The following BRCA1 variants were observed in gnomAD, a reference collection of about 807,000 sequenced individuals.
The protein encoded by BRCA1 is BRCA1 DNA repair associated.
In BRCA1, 140 loss-of-function variants were observed where a neutral mutation model predicts 173.7. The ratio of observed to expected loss-of-function variants is 0.81; its 90% confidence interval spans 0.70 to 0.93. The LOEUF (loss-of-function observed/expected upper bound fraction) is 0.93, where lower values mean the gene tolerates loss of function less well. BRCA1 is among the 40% of genes least tolerant of loss of function. The pLI, the probability that BRCA1 is intolerant of heterozygous loss-of-function variation, is 0.00. For synonymous variants in BRCA1, 662 were observed against 756.0 expected (o/e 0.88, Z 2.04); for missense variants, 1,983 against 2,172.5 (o/e 0.91, Z 1.73).
intron 15 of BRCA1, among the ~76,000 whole-genome samples, chr17:43,069,933 ATTC>A (rs538796028): frequency 5.6e-4 from 85 of 152,118 alleles, no homozygotes; most frequent in Non-Finnish European, 1.0e-3. Flanking sequence ...TATTCACGCA[ATTC>A]TTCTTCTTAT....
In BRCA1 at chr17:43,094,450, A is replaced by G. The variant is rs80356946; in HGVS notation, c.1081T>C (p.Ser361Pro). 5 of 1,613,940 alleles carry G rather than the reference A, an allele frequency of 3.1e-6. No homozygotes were observed. Among genetic ancestry groups the G allele is most frequent in the Non-Finnish European group, 4.2e-6 (5 of 1,180,034 alleles). Residue 361 changes from serine (S) to proline (P), a missense_variant, in exon 10 of 23, where the codon TCA (serine) becomes CCA (proline). By Grantham distance (74) the Ser-to-Pro change is moderately conservative (BLOSUM62 -1). Transcript: ENST00000357654. ...TCTTCAGTATCTCTAGGATTCTCTG[A>G]GCATGGCAGTTTCTGCTTATTCCAT... ...KEWNKQKLPC[S>P]ENPRDTEDVP...
intron 1 of BRCA1, among the ~76,000 whole-genome samples, chr17:43,149,823 C>T: frequency 6.6e-6 from 1 of 152,142 alleles, no homozygotes; most frequent in East Asian, 1.9e-4. Context: ...GAGTCTTGCT[C>T]TGTCGCACAG....
At chr17:43,067,446 G>A (rs1025654008) in intron 16 of BRCA1, 162 bp downstream of exon 16, 1 of 578,350 alleles carries the variant, frequency 1.7e-6, no homozygotes, top group Non-Finnish European at 3.1e-6. Context: ...AGTAGAGACG[G>A]GGTTTCACCA....
intron 12 of BRCA1, chr17:43,079,277 C>G (rs1567781381): frequency 1.5e-6 from 2 of 1,367,488 alleles, no homozygotes; most frequent in Non-Finnish European, 2.1e-6. Flanking sequence ...TGGCCAGAAC[C>G]ACCATCTTTC....
At chr17:43,085,632 T>C (rs544505961) in intron 11 of BRCA1, among the ~76,000 whole-genome samples, 2 of 152,212 alleles carry the variant, frequency 1.3e-5, no homozygotes, top group East Asian at 1.9e-4. Context: ...CTTTTTCCAC[T>C]TGGAAAAATT....
At chr17:43,125,958 G>A (rs1206399525), upstream of BRCA1, among the ~76,000 whole-genome samples, 1 of 151,780 alleles carries the variant, frequency 6.6e-6, no homozygotes, top group East Asian at 1.9e-4. Context: ...ACCTGTGCGC[G>A]CTTGTACTTG....
intron 1 of BRCA1, among the ~76,000 whole-genome samples, chr17:43,153,141 C>CT (rs1375180531): frequency 6.6e-6 from 1 of 152,212 alleles, no homozygotes; most frequent in Non-Finnish European, 1.5e-5. Flanking sequence ...GGACAGGTCA[C>CT]TCGACCTGTA....
rs886052972 is a variant in BRCA1 at position 43,045,213 on chromosome 17, C to T, written c.*465G>A. The T allele has an allele frequency of 1.9e-4, 101 of 537,634 alleles. No homozygotes were observed. In the East Asian group the frequency reaches 3.8e-3, roughly 20 times the overall value. The allele number at this position is 537,634 out of a possible 1,614,324, so 33.3% of individuals were successfully genotyped here. A position where few individuals can be genotyped will look rare whatever the true frequency, so the allele number is the denominator to read the frequency against. On this transcript the variant is annotated 3_prime_UTR_variant, in exon 23 of 23. Transcript: ENST00000357654. ...CTATTCTGACTTTAAGTCACATAAT[C>T]GATCCCAAGCACTCTCCTTCCATTG...
At chr17:43,062,897 T>TC (rs1170326529) in intron 18 of BRCA1, among the ~76,000 whole-genome samples, 7 of 152,004 alleles carry the variant, frequency 4.6e-5, no homozygotes, top group African/African-American at 1.7e-4. Context: ...GCACCCGATT[T>TC]TTTTTTTCTT....
At chr17:43,067,342 T>A in intron 16 of BRCA1, 1 of 326,640 alleles carries the variant, frequency 3.1e-6, no homozygotes, top group Non-Finnish European at 5.9e-6. Flanking sequence ...GCAACCTCCA[T>A]CTCCCCGGTT....
intron 1 of BRCA1, among the ~76,000 whole-genome samples, chr17:43,165,242 C>T (rs913356379): frequency 1.3e-4 from 19 of 151,984 alleles, no homozygotes; most frequent in Non-Finnish European, 1.8e-4. Flanking sequence ...AAGAAAAAAC[C>T]TGTTATGCTT....
chr17:43,067,534 A>C, intron 16 of BRCA1, 74 bp downstream of exon 16: 2 of 1,248,748 alleles, frequency 1.6e-6, no homozygotes, highest in South Asian at 2.4e-5. Context: ...GATTACAGGC[A>C]TGCGCCACCG....
intron 1 of BRCA1, among the ~76,000 whole-genome samples, chr17:43,155,127 G>A (rs2154581648): frequency 6.6e-6 from 1 of 152,010 alleles, no homozygotes; most frequent in Non-Finnish European, 1.5e-5. Flanking sequence ...ACTTTTGGTA[G>A]GAACCTGCCA....
upstream of BRCA1, among the ~76,000 whole-genome samples, chr17:43,130,159 A>G (rs1384202071): frequency 1.3e-5 from 2 of 152,158 alleles, no homozygotes; most frequent in Non-Finnish European, 2.9e-5. Context: ...TGACTGGTTT[A>G]TTATTTTTAA....
rs12936316 is a variant in BRCA1 at position 43,111,027 on chromosome 17, A to G, written c.135-4494T>C. Among the ~76,000 whole-genome samples, 47,338 of 150,014 alleles carry G rather than the reference A, an allele frequency of 0.32. 7,751 individuals carry two copies. Among genetic ancestry groups the G allele is most frequent in the South Asian group, 0.49 (2,348 of 4,758 alleles). The stretch of plus-strand genomic sequence containing the variant: ...GAGGCAGGAGAATCACTTGAACCAG[A>G]GAGGCAGAGGCTGCAGTGAGCCGAG... On this transcript the variant is annotated intron_variant, in intron 3 of 22. Coordinates refer to ENST00000357654, the MANE Select transcript of BRCA1 (RefSeq NM_007294.4).
chr17:43,097,128 A>G (rs1261381300), intron 8 of BRCA1, 116 bp downstream of exon 8: 1 of 1,071,032 alleles, frequency 9.3e-7, no homozygotes, highest in African/African-American at 1.6e-5. Flanking sequence ...CTGCACATAC[A>G]TCCCTGAACC....
In BRCA1 at chr17:43,090,998, G is replaced by T. The variant is rs80356871; in HGVS notation, c.4131C>A (p.Ser1377Arg). The T allele has an allele frequency of 1.2e-6, 2 of 1,612,854 alleles. No individual in the cohort carries two copies. The highest frequency in any genetic ancestry group is 2.2e-5 in the South Asian group (2 of 90,784). The change falls in exon 11 of 23, where the codon AGC becomes AGA. Residue 1377 changes from serine to arginine, a missense_variant. Ser to Arg is a moderately radical substitution (Grantham distance 110). Coordinates refer to ENST00000357654, the MANE Select transcript of BRCA1 (RefSeq NM_007294.4). ...EAASGCESET[S>R]VSEDCSGLSS... ...ATAGCCCTGAGCAGTCTTCAGAGAC[G>T]CTTGTTTCACTCTCACACCCAGATG...
intron 7 of BRCA1, among the ~76,000 whole-genome samples, 171 bp from the exon 8 acceptor site, chr17:43,097,460 G>A (rs2054190054): frequency 6.6e-6 from 1 of 152,166 alleles, no homozygotes; most frequent in African/African-American, 2.4e-5. Flanking sequence ...AGTGGTTAAA[G>A]GCATGGGCTT....
Position 43,118,338 on chromosome 17 carries a change from T to C in BRCA1, c.81-2559A>G, listed in dbSNP as rs9895855. 0.013 allele frequency among the ~76,000 whole-genome samples: 1,931 copies of C among 152,194 alleles called. 34 individuals are homozygous for C. Among genetic ancestry groups the C allele is most frequent in the African/African-American group, 0.043 (1,786 of 41,516 alleles). On this transcript the variant is annotated intron_variant, in intron 2 of 22. Coordinates refer to ENST00000357654, the MANE Select transcript of BRCA1 (RefSeq NM_007294.4). ...GCTGGTAACTTCTGGTAGGAACCTATAGGCTATTTTAAATCTTTAGCTTTA... is the reference window on the plus strand; with the variant it reads ...GCTGGTAACTTCTGGTAGGAACCTACAGGCTATTTTAAATCTTTAGCTTTA...
Sources: allele counts gnomAD v4.1 joint callset (sites outside exome capture counted in the v4.1 genomes callset), GRCh38; gene constraint gnomAD v4.1.1; transcripts MANE v1.5; gene names NCBI Gene and HGNC (gene_info 2026-07-23, HGNC 2026-07-21).